RNF150: variants seen among roughly 807,000 people sequenced by gnomAD.
RNF150 encodes ring finger protein 150.
RNF150 carries 24 observed loss-of-function variants against 39.3 expected under a neutral mutation model. That is an observed-to-expected ratio of 0.61 (90% CI 0.44 to 0.86). The LOEUF (loss-of-function observed/expected upper bound fraction) is 0.86, where lower values mean the gene tolerates loss of function less well. Among genes scored for constraint, RNF150 ranks in the 40% least tolerant of loss-of-function variants. RNF150 has a pLI of 0.00. For missense variants in RNF150, 502 were observed against 587.8 expected (o/e 0.85, Z 1.51); for synonymous variants, 255 against 227.3 (o/e 1.12, Z -1.10).
chr4:140,930,856 G>A (rs1319131602), intron 4 of RNF150, among the ~76,000 whole-genome samples: 3 of 152,086 alleles, frequency 2.0e-5, no homozygotes, highest in Non-Finnish European at 4.4e-5. Flanking sequence ...AATAAGACAA[G>A]GCCCTGCCCT....
At chr4:141,184,407 T>TG (rs1480575047) in intron 1 of RNF150, among the ~76,000 whole-genome samples, 1 of 152,230 alleles carries the variant, frequency 6.6e-6, no homozygotes, top group Admixed American at 6.5e-5. Context: ...TATTAGCCCT[T>TG]TGTCAGATGG....
At chr4:141,105,193 C>T (rs1031518823) in intron 1 of RNF150, among the ~76,000 whole-genome samples, 1 of 152,140 alleles carries the variant, frequency 6.6e-6, no homozygotes, top group Admixed American at 6.5e-5. Context: ...GTGGGAATAA[C>T]CCTCTGGTGA....
intron 1 of RNF150, among the ~76,000 whole-genome samples, chr4:141,007,696 G>T (rs1734925781): frequency 6.6e-6 from 1 of 152,132 alleles, no homozygotes; most frequent in South Asian, 2.1e-4. Context: ...AAGTTGATAT[G>T]GTTCCCACTT....
intron 1 of RNF150, among the ~76,000 whole-genome samples, chr4:141,091,606 T>C (rs531987521): frequency 1.3e-5 from 2 of 152,290 alleles, no homozygotes; most frequent in East Asian, 1.9e-4. Context: ...CAAACCTAAA[T>C]TAGATAACCA....
intron 6 of RNF150, among the ~76,000 whole-genome samples, chr4:140,909,852 T>G (rs1047617534): frequency 6.6e-6 from 1 of 152,216 alleles, no homozygotes; most frequent in Non-Finnish European, 1.5e-5. Context: ...TATCAAAAAC[T>G]AATAAACTTT....
At chr4:140,956,947 A>G (rs2111394176) in intron 2 of RNF150, among the ~76,000 whole-genome samples, 1 of 151,360 alleles carries the variant, frequency 6.6e-6, no homozygotes, top group East Asian at 1.9e-4. Context: ...AAAACCATAA[A>G]AACCCTAGAA....
At chr4:141,135,175 G>A (rs1727009274), upstream of RNF150, among the ~76,000 whole-genome samples, 1 of 152,130 alleles carries the variant, frequency 6.6e-6, no homozygotes, top group Admixed American at 6.5e-5. Flanking sequence ...ATAACCTTGA[G>A]GCTTTAGGGT....
At chr4:141,062,204 T>C (rs1737258898) in intron 1 of RNF150, among the ~76,000 whole-genome samples, 2 of 152,164 alleles carry the variant, frequency 1.3e-5, no homozygotes, top group Non-Finnish European at 2.9e-5. Context: ...TTCAAATCTG[T>C]TTCTTCAATG....
chr4:141,010,972 T>C (rs1367735452), intron 1 of RNF150, among the ~76,000 whole-genome samples: 2 of 152,214 alleles, frequency 1.3e-5, no homozygotes, highest in Admixed American at 6.5e-5. Flanking sequence ...GTACTGATAC[T>C]ACTTTTCTTA....
rs142833014 is a variant in RNF150 at position 140,991,674 on chromosome 4, C to G, written c.485-23801G>C. Among the ~76,000 whole-genome samples, 4 of 152,220 alleles carry G rather than the reference C, an allele frequency of 2.6e-5. No individual in the cohort carries two copies. The East Asian group carries it at 7.7e-4, about 29-fold the overall frequency. Reference sequence around the variant, plus strand: ...ATAGGATTCTAATTAAGGCAAAAGACAGTTACATATTTGGGTTGCTGAGCA... The same window carrying G: ...ATAGGATTCTAATTAAGGCAAAAGAGAGTTACATATTTGGGTTGCTGAGCA... On this transcript the variant is annotated intron_variant, in intron 1 of 6. Transcript: ENST00000515673.
intron 1 of RNF150, among the ~76,000 whole-genome samples, chr4:141,090,030 A>C (rs2111005083): frequency 6.6e-6 from 1 of 152,358 alleles, no homozygotes; most frequent in South Asian, 2.1e-4. Context: ...ACATCTTGAA[A>C]AAAATCAGCA....
At chr4:141,015,306 T>A (rs1735228977) in intron 1 of RNF150, among the ~76,000 whole-genome samples, 1 of 152,214 alleles carries the variant, frequency 6.6e-6, no homozygotes, top group Non-Finnish European at 1.5e-5. Flanking sequence ...TGGTATCTTT[T>A]ATGATTCCAT....
chr4:141,027,283 G>A (rs1218965488), intron 1 of RNF150, among the ~76,000 whole-genome samples: 1 of 152,170 alleles, frequency 6.6e-6, no homozygotes, highest in African/African-American at 2.4e-5. Context: ...CACGATACAT[G>A]ACAAAATTTC....
chr4:140,957,906 G>C (rs556511080), intron 2 of RNF150, among the ~76,000 whole-genome samples: 123 of 122,130 alleles, frequency 1.0e-3, no homozygotes, highest in South Asian at 3.3e-3. Flanking sequence ...GTTGTGGGGT[G>C]GGGGGAGGGA....
intron 1 of RNF150, chr4:141,053,586 A>C (rs1736858859): frequency 3.0e-6 from 2 of 658,342 alleles, no homozygotes; most frequent in South Asian, 9.0e-5. Flanking sequence ...TGGGGAAAGA[A>C]AATTGATTAG....
chr4:141,034,908 T>C (rs1457691447), intron 1 of RNF150, among the ~76,000 whole-genome samples: 1 of 152,194 alleles, frequency 6.6e-6, no homozygotes, highest in East Asian at 1.9e-4. Context: ...AAGTTTTATG[T>C]ATTTTGAGAA....
intron 4 of RNF150, among the ~76,000 whole-genome samples, chr4:140,935,763 C>G (rs1379344272): frequency 2.0e-5 from 3 of 152,142 alleles, no homozygotes; most frequent in African/African-American, 7.2e-5. Context: ...TGCATAGCTT[C>G]TTTGGTACTT....
intron 1 of RNF150, among the ~76,000 whole-genome samples, chr4:141,066,241 GA>G (rs34239483): frequency 0.7 from 102,876 of 146,338 alleles, 36,916 homozygotes; most frequent in Admixed American, 0.8. Flanking sequence ...GTATATGTGC[GA>G]AAAAAAAAAA....
chr4:140,966,417 A>C (rs1039876955), intron 2 of RNF150, among the ~76,000 whole-genome samples: 4 of 152,144 alleles, frequency 2.6e-5, no homozygotes, highest in African/African-American at 4.8e-5. Flanking sequence ...GATAAAATAA[A>C]AGACAATGAC....
Sources: gnomAD v4.1 joint callset for allele counts (sites outside exome capture counted in the v4.1 genomes callset) on GRCh38, gnomAD v4.1.1 for gene constraint, MANE v1.5 for transcripts, NCBI Gene and HGNC (gene_info 2026-07-23, HGNC 2026-07-21) for gene names.